Variants in PRIMPOL observed in about 807,000 individuals in gnomAD.
The protein encoded by PRIMPOL is primase and DNA directed polymerase.
In PRIMPOL, 54 loss-of-function variants were observed where a neutral mutation model predicts 63.6. That is an observed-to-expected ratio of 0.85 (90% CI 0.68 to 1.07). The LOEUF (loss-of-function observed/expected upper bound fraction) is 1.07. PRIMPOL is among the 50% of genes least tolerant of loss of function. The probability of loss-of-function intolerance (pLI) is 0.00; values close to 1 mark genes in which losing one functional copy is unlikely to be tolerated. For missense variants in PRIMPOL, 610 were observed against 648.3 expected (o/e 0.94, Z 0.64); for synonymous variants, 197 against 220.2 (o/e 0.89, Z 0.93).
intron 4 of PRIMPOL, among the ~76,000 whole-genome samples, chr4:184,660,157 ATTTCTTTTTTTTTTTC>A (rs919933096): frequency 8.8e-5 from 13 of 147,424 alleles, no homozygotes; most frequent in South Asian, 4.4e-4. Context: ...CTATTCAAGT[ATTTCTTTTTTTTTTTC>A]TTTCTTTTTT....
intron 4 of PRIMPOL, among the ~76,000 whole-genome samples, chr4:184,660,940 C>T (rs1025203576): frequency 6.6e-6 from 1 of 152,198 alleles, no homozygotes; most frequent in Non-Finnish European, 1.5e-5. Context: ...AAAGTCATTC[C>T]TCTTAATGCC....
At chr4:184,675,019 C>A (rs545436626) in intron 7 of PRIMPOL, among the ~76,000 whole-genome samples, 2 of 152,088 alleles carry the variant, frequency 1.3e-5, no homozygotes, top group East Asian at 3.8e-4. Context: ...GCACTAAACA[C>A]GATGAAAAAT....
intron 2 of PRIMPOL, among the ~76,000 whole-genome samples, chr4:184,653,524 T>A (rs1427571812): frequency 6.6e-6 from 1 of 152,162 alleles, no homozygotes; most frequent in Non-Finnish European, 1.5e-5. Flanking sequence ...TCTTTTATTT[T>A]GTTTTTTAGT....
rs543359941 is a variant in PRIMPOL, at chr4:184,691,020, AT to A, written c.1296-477del. 1.3e-4 allele frequency among the ~76,000 whole-genome samples: 20 copies of A among 152,362 alleles called. No homozygotes were observed. The South Asian group carries it at 3.9e-3, about 30-fold the overall frequency. On this transcript the variant is annotated intron_variant, in intron 11 of 13. Coordinates refer to ENST00000314970, the MANE Select transcript of PRIMPOL (RefSeq NM_152683.4). Reference sequence around the variant, plus strand: ...AAATTCACTTTATAGCTAGCATGGAATTGGTTTTATAAAGAACTGCTTCATA... The same window carrying A: ...AAATTCACTTTATAGCTAGCATGGAATGGTTTTATAAAGAACTGCTTCATA...
At chr4:184,666,654 T>A (rs936754694) in intron 6 of PRIMPOL, among the ~76,000 whole-genome samples, 1 of 152,244 alleles carries the variant, frequency 6.6e-6, no homozygotes, top group Admixed American at 6.5e-5. Context: ...TTCAGTTTCC[T>A]GGAAAGTGCA....
intron 6 of PRIMPOL, 38 bp from the exon 7 acceptor site, chr4:184,672,135 A>G: frequency 2.6e-6 from 4 of 1,545,996 alleles, no homozygotes; most frequent in Non-Finnish European, 3.5e-6. Context: ...CGGTGTGTGG[A>G]GAAGATCCAG....
intron 4 of PRIMPOL, 152 bp downstream of exon 4, chr4:184,659,589 T>C (rs1747680217): frequency 1.5e-6 from 1 of 671,006 alleles, no homozygotes; most frequent in Non-Finnish European, 2.7e-6. Context: ...AGTTTTCTTG[T>C]CATAGCAATG....
At position 184,653,760 on chromosome 4, in the gene PRIMPOL, AG is replaced by A. The variant is rs201443469; in HGVS notation, c.-60+1661del. On this transcript the variant is annotated intron_variant, in intron 2 of 13. Transcript: ENST00000314970. ...GAGCTTTGATACACAATTATGTAAA[AG>A]AAAGACAACACTCTTTCACCACCGG... Among the ~76,000 whole-genome samples the A allele has an allele frequency of 4.9e-3, 744 of 152,362 alleles. 9 individuals carry two copies. The highest frequency in any genetic ancestry group is 0.017 in the African/African-American group (724 of 41,586).
chr4:184,690,394 A>AT (rs549024859), intron 11 of PRIMPOL, among the ~76,000 whole-genome samples: 184 of 152,218 alleles, frequency 1.2e-3, no homozygotes, highest in Non-Finnish European at 1.8e-3. Context: ...TTTTCTTCAA[A>AT]TGTAGGCCTC....
rs1311921440 is a variant in PRIMPOL at position 184,672,273 on chromosome 4, T to G, written c.657T>G (p.Phe219Leu). Residue 219 changes from phenylalanine (F) to leucine (L), a missense_variant, in exon 7 of 14, where the codon TTT becomes TTG. Transcript: ENST00000314970. ...CAACAGGCCATGGATTTCCCCATTT[T>G]TCAGAAGCACCTGCAAGACAAGGAT... ...PETTGHGFPHFSEAPARQGFS... is the reference protein window; with the variant it reads ...PETTGHGFPHLSEAPARQGFS... 6.2e-7 allele frequency: 1 copy of G among 1,614,014 alleles called. No homozygotes were observed. Among genetic ancestry groups the G allele is most frequent in the Non-Finnish European group, 8.5e-7 (1 of 1,180,042 alleles).
At chr4:184,658,213 C>A (rs1747138479) in intron 3 of PRIMPOL, among the ~76,000 whole-genome samples, 1 of 151,806 alleles carries the variant, frequency 6.6e-6, no homozygotes. Context: ...TTTAGAAGGA[C>A]CTCTCTTTCT....
chr4:184,678,172 G>A, intron 7 of PRIMPOL, 60 bp from the exon 8 acceptor site: 1 of 1,088,846 alleles, frequency 9.2e-7, no homozygotes, highest in Non-Finnish European at 1.3e-6. Context: ...AATATTTGCT[G>A]ACTATGAAAC....
At chr4:184,654,328 G>T (rs1745590196) in intron 2 of PRIMPOL, among the ~76,000 whole-genome samples, 1 of 152,082 alleles carries the variant, frequency 6.6e-6, no homozygotes, top group Non-Finnish European at 1.5e-5. Context: ...TAGAAAGTCA[G>T]TTTCTCAATT....
At chr4:184,672,689 C>T (rs922504623) in intron 7 of PRIMPOL, among the ~76,000 whole-genome samples, 1 of 152,152 alleles carries the variant, frequency 6.6e-6, no homozygotes, top group African/African-American at 2.4e-5. Flanking sequence ...CTGTGGCTGG[C>T]TTCTGCTCTG....
chr4:184,692,471 C>CAAAAAAAAAAAAAAAAAAAA (rs60321808), intron 13 of PRIMPOL, among the ~76,000 whole-genome samples: 5 of 73,796 alleles, frequency 6.8e-5, no homozygotes, highest in Admixed American at 1.9e-4. Flanking sequence ...GACTCTGCCT[C>CAAAAAAAAAAAAAAAAAAAA]AAAAAAAAAA....
chr4:184,660,222 G>A (rs1294916049), intron 4 of PRIMPOL, among the ~76,000 whole-genome samples: 3 of 145,478 alleles, frequency 2.1e-5, no homozygotes, highest in Non-Finnish European at 4.5e-5. Context: ...TTTCACTCTT[G>A]TTGCCCAGGC....
chr4:184,653,672 A>G (rs773743276), intron 2 of PRIMPOL, among the ~76,000 whole-genome samples: 22 of 151,830 alleles, frequency 1.4e-4, no homozygotes, highest in South Asian at 8.3e-4. Context: ...TTAAAATACA[A>G]TAAAAGTTTT....
At chr4:184,680,352 T>A (rs1205216573) in intron 8 of PRIMPOL, among the ~76,000 whole-genome samples, 1 of 152,128 alleles carries the variant, frequency 6.6e-6, no homozygotes, top group African/African-American at 2.4e-5. Context: ...CACACCCAGA[T>A]AATTTTTGTA....
chr4:184,687,911 C>T (rs911292685), intron 11 of PRIMPOL, among the ~76,000 whole-genome samples: 4 of 152,342 alleles, frequency 2.6e-5, no homozygotes, highest in African/African-American at 9.6e-5. Flanking sequence ...CCACCGTGCC[C>T]GGCCATAAAC....
Sources: allele counts gnomAD v4.1 joint callset (sites outside exome capture counted in the v4.1 genomes callset), GRCh38; gene constraint gnomAD v4.1.1; transcripts MANE v1.5; gene names NCBI Gene and HGNC (gene_info 2026-07-23, HGNC 2026-07-21).